Variants in OPCML observed in about 807,000 individuals in gnomAD.
OPCML encodes the protein opioid binding protein/cell adhesion molecule like.
OPCML carries 13 observed loss-of-function variants against 37.8 expected under a neutral mutation model. The ratio of observed to expected loss-of-function variants is 0.34; its 90% CI spans 0.22 to 0.55. The LOEUF (loss-of-function observed/expected upper bound fraction) is 0.55. Among genes scored for constraint, OPCML ranks in the 20% least tolerant of loss-of-function variants. The pLI is 0.91. For synonymous variants in OPCML, 176 were observed against 168.8 expected, an observed-to-expected ratio of 1.04 and a Z score of -0.33; for missense variants, 341 against 435.6, an observed-to-expected ratio of 0.78 and a Z score of 1.93.
chr11:133,047,447 A>C (rs893724723), intron 1 of OPCML, among the ~76,000 whole-genome samples: 1 of 152,250 alleles, frequency 6.6e-6, no homozygotes, highest in Non-Finnish European at 1.5e-5. Context: ...TAATTGTCCT[A>C]TTAAACTTAA....
At chr11:132,799,734 T>C (rs1323800078) in intron 2 of OPCML, among the ~76,000 whole-genome samples, 1 of 145,882 alleles carries the variant, frequency 6.9e-6, no homozygotes, top group Admixed American at 6.9e-5. Flanking sequence ...CTTCTACTTG[T>C]AAAAAAAAAA....
At chr11:132,758,222 T>C (rs560971755) in intron 2 of OPCML, among the ~76,000 whole-genome samples, 1 of 152,334 alleles carries the variant, frequency 6.6e-6, no homozygotes, top group South Asian at 2.1e-4. Context: ...TAGTATAGTT[T>C]GAAGTCAGGT....
At chr11:133,422,398 T>TATATATATATATATATATATATATATAC in intron 1 of OPCML, 1 of 948,062 alleles carries the variant, frequency 1.1e-6, no homozygotes, top group African/African-American at 2.1e-5. Flanking sequence ...TATATATGTA[T>TATATATATATATATATATATATATATAC]ATATGCGCCA....
At chr11:132,570,746 G>T (rs2096435233) in intron 3 of OPCML, among the ~76,000 whole-genome samples, 1 of 78,670 alleles carries the variant, frequency 1.3e-5, no homozygotes, top group Non-Finnish European at 2.5e-5. Context: ...GGAATAGGCA[G>T]GAAAGAGAGT....
At chr11:132,619,231 C>T (rs1220316974) in intron 3 of OPCML, among the ~76,000 whole-genome samples, 1 of 152,158 alleles carries the variant, frequency 6.6e-6, no homozygotes, top group Admixed American at 6.5e-5. Context: ...CCCAAGTAGG[C>T]CGGGCCTGCC....
intron 1 of OPCML, among the ~76,000 whole-genome samples, chr11:133,207,421 G>A (rs1362751739): frequency 6.6e-6 from 1 of 152,164 alleles, no homozygotes; most frequent in African/African-American, 2.4e-5. Context: ...GTTTTCAGAT[G>A]TTTCTCCAAC....
rs146225481 is a variant in OPCML at position 132,729,073 on chromosome 11, G to C, written c.147-71754C>G. On this transcript the variant is annotated intron_variant, in intron 2 of 7. Coordinates refer to ENST00000524381, the MANE Select transcript of OPCML (RefSeq NM_001012393.5). ...TTCAATGTGAAAGAAAGGCTGGTTA[G>C]GGGGTCAAGAAGTAGCACTCTTCTC... 3.6e-3 allele frequency among the ~76,000 whole-genome samples: 542 copies of C among 152,324 alleles called. 6 individuals are homozygous for C. Among genetic ancestry groups the C allele is most frequent in the African/African-American group, 0.012 (481 of 41,558 alleles).
chr11:132,619,769 A>C (rs1038781934), intron 3 of OPCML, among the ~76,000 whole-genome samples: 1 of 149,836 alleles, frequency 6.7e-6, no homozygotes. Context: ...GGAGAATGGC[A>C]TGAACCCGGG....
intron 1 of OPCML, among the ~76,000 whole-genome samples, chr11:133,367,953 T>A (rs1302121199): frequency 2.6e-5 from 4 of 152,168 alleles, no homozygotes; most frequent in Non-Finnish European, 5.9e-5. Context: ...TGCAAACTGG[T>A]CTCCCTGGCC....
chr11:132,667,952 T>TAC (rs1942292847), intron 2 of OPCML, among the ~76,000 whole-genome samples: 2 of 152,310 alleles, frequency 1.3e-5, no homozygotes, highest in South Asian at 4.1e-4. Flanking sequence ...ATGATGGGTT[T>TAC]ATCCCGTGTT....
intron 2 of OPCML, among the ~76,000 whole-genome samples, chr11:132,792,558 C>A (rs1937990653): frequency 6.6e-6 from 1 of 152,164 alleles, no homozygotes; most frequent in Non-Finnish European, 1.5e-5. Flanking sequence ...TCTTTCCAGT[C>A]TCGTCTTTTT....
intron 1 of OPCML, among the ~76,000 whole-genome samples, chr11:133,023,259 C>T (rs958244886): frequency 3.9e-5 from 6 of 152,180 alleles, no homozygotes; most frequent in African/African-American, 1.2e-4. Context: ...CTTTGGCTGT[C>T]CATTGACTTC....
At chr11:132,897,436 A>G (rs548314277) in intron 2 of OPCML, among the ~76,000 whole-genome samples, 22 of 152,312 alleles carry the variant, frequency 1.4e-4, no homozygotes, top group Non-Finnish European at 2.5e-4. Context: ...ATGGACCAGC[A>G]CAGGCCCTGG....
intron 1 of OPCML, chr11:133,439,284 T>G: frequency 1.0e-6 from 1 of 963,708 alleles, no homozygotes; most frequent in Non-Finnish European, 1.2e-6. Context: ...GTCCAGAGAG[T>G]AAAAGATGTT....
At chr11:132,760,203 G>A (rs1946210578) in intron 2 of OPCML, among the ~76,000 whole-genome samples, 1 of 152,170 alleles carries the variant, frequency 6.6e-6, no homozygotes, top group Non-Finnish European at 1.5e-5. Flanking sequence ...TTGCTGAGGA[G>A]TGTTTTACTT....
intron 1 of OPCML, among the ~76,000 whole-genome samples, chr11:133,383,577 A>T (rs1944977349): frequency 6.6e-6 from 1 of 152,204 alleles, no homozygotes; most frequent in African/African-American, 2.4e-5. Context: ...ATTGAAATTC[A>T]GTAAATATTT....
intron 3 of OPCML, among the ~76,000 whole-genome samples, chr11:132,595,600 G>T (rs1184889267): frequency 6.6e-6 from 1 of 152,134 alleles, no homozygotes; most frequent in Admixed American, 6.6e-5. Flanking sequence ...GGGGAGATGG[G>T]GCATGTGTTG....
rs1187670240 is a variant in OPCML, at chr11:133,532,157, C to T, written c.61+107G>A. ...TTCACTCACATGCATCTCACACTCC[C>T]TGTCCTCACCCCTTCCTCCTTGCCT... On this transcript the variant is annotated intron_variant, in intron 1 of 7. Transcript: ENST00000524381. 19 of 1,522,498 alleles carry T rather than the reference C, an allele frequency of 1.2e-5. No individual in the cohort carries two copies. In the Admixed American group the frequency reaches 3.8e-4, roughly 30 times the overall value. 94.3% of individuals were successfully genotyped at this position (1,522,498 alleles called of 1,614,324 possible). A position where few individuals can be genotyped will look rare whatever the true frequency, so the allele number is the denominator to read the frequency against.
intron 2 of OPCML, chr11:132,860,740 A>C (rs1942268304): frequency 6.6e-6 from 1 of 152,202 alleles, no homozygotes; most frequent in Admixed American, 6.5e-5. Flanking sequence ...GCTTGGGGAC[A>C]CCAGAAAAGC....
Sources: allele counts gnomAD v4.1 joint callset (sites outside exome capture counted in the v4.1 genomes callset), GRCh38; gene constraint gnomAD v4.1.1; transcripts MANE v1.5; gene names NCBI Gene and HGNC (gene_info 2026-07-23, HGNC 2026-07-21).